PDE3A: variants seen among roughly 807,000 people sequenced by gnomAD.
PDE3A encodes the protein phosphodiesterase 3A.
PDE3A carries 43 observed loss-of-function variants against 98.3 expected under a neutral mutation model. The observed-to-expected ratio is 0.44, with a 90% confidence interval of 0.34 to 0.56. PDE3A has a LOEUF of 0.56. Among genes scored for constraint, PDE3A ranks in the 20% least tolerant of loss-of-function variants. PDE3A has a pLI of 0.01. For missense variants in PDE3A, 1,427 were observed against 1,440.7 expected (o/e 0.99, Z 0.15); for synonymous variants, 663 against 567.9 (o/e 1.17, Z -2.38).
intron 2 of PDE3A, among the ~76,000 whole-genome samples, chr12:20,561,501 G>A (rs1009509518): frequency 3.3e-5 from 5 of 152,164 alleles, no homozygotes; most frequent in African/African-American, 1.2e-4. Flanking sequence ...GAGTGTGCTA[G>A]CCTGCAAGAT....
chr12:20,459,124 C>G (rs747886007), intron 1 of PDE3A, among the ~76,000 whole-genome samples: 1 of 152,072 alleles, frequency 6.6e-6, no homozygotes, highest in Non-Finnish European at 1.5e-5. Context: ...AAAATTTGTA[C>G]AATGTACATC....
chr12:20,591,820 A>G (rs1194138211), intron 2 of PDE3A, among the ~76,000 whole-genome samples: 1 of 152,234 alleles, frequency 6.6e-6, no homozygotes, highest in Non-Finnish European at 1.5e-5. Context: ...GAACTGTCAT[A>G]GCCAAACAGA....
At chr12:20,483,774 A>C (rs1283759119) in intron 1 of PDE3A, among the ~76,000 whole-genome samples, 2 of 152,190 alleles carry the variant, frequency 1.3e-5, no homozygotes, top group Admixed American at 1.3e-4. Flanking sequence ...ATAAATATTA[A>C]TGATGGATTA....
intron 1 of PDE3A, among the ~76,000 whole-genome samples, chr12:20,555,383 T>A (rs189824956): frequency 1.3e-5 from 2 of 152,328 alleles, no homozygotes; most frequent in East Asian, 3.9e-4. Flanking sequence ...ATATTTACAA[T>A]GTAAAGTAAT....
At chr12:20,382,105 A>C (rs921523943) in intron 1 of PDE3A, among the ~76,000 whole-genome samples, 1 of 151,868 alleles carries the variant, frequency 6.6e-6, no homozygotes, top group African/African-American at 2.4e-5. Context: ...GTGAATAAAA[A>C]TTATTTGGGA....
chr12:20,678,594 GT>G (rs1945695928), intron 15 of PDE3A, among the ~76,000 whole-genome samples: 1 of 152,144 alleles, frequency 6.6e-6, no homozygotes, highest in South Asian at 2.1e-4. Flanking sequence ...TTGTTCCTGC[GT>G]TTGTCTCTGC....
At chr12:20,483,518 A>T (rs1171464565) in intron 1 of PDE3A, among the ~76,000 whole-genome samples, 1 of 152,230 alleles carries the variant, frequency 6.6e-6, no homozygotes, top group African/African-American at 2.4e-5. Flanking sequence ...AGAATAACCC[A>T]GTATCAAGTA....
At chr12:20,581,762 G>A (rs1196056352) in intron 2 of PDE3A, among the ~76,000 whole-genome samples, 15 of 151,460 alleles carry the variant, frequency 9.9e-5, no homozygotes, top group African/African-American at 2.9e-4. Context: ...ACAGGCGCCC[G>A]CCACTACGCC....
intron 1 of PDE3A, among the ~76,000 whole-genome samples, chr12:20,444,292 A>G (rs1173559431): frequency 6.6e-6 from 1 of 152,074 alleles, no homozygotes; most frequent in Non-Finnish European, 1.5e-5. Context: ...TCAGTTTTCC[A>G]TGTGCCTTAG....
At chr12:20,386,132 A>AAT (rs1304722325) in intron 1 of PDE3A, among the ~76,000 whole-genome samples, 2 of 78,332 alleles carry the variant, frequency 2.6e-5, no homozygotes, top group African/African-American at 1.2e-4. Flanking sequence ...AATATATATA[A>AAT]ATATATATAA....
intron 14 of PDE3A, among the ~76,000 whole-genome samples, chr12:20,651,775 TA>T (rs1282607782): frequency 1.4e-5 from 2 of 147,334 alleles, no homozygotes; most frequent in African/African-American, 2.5e-5. Context: ...AGATTTTTTT[TA>T]TTTTATTATA....
chr12:20,677,139 T>C (rs1945661269), intron 15 of PDE3A, among the ~76,000 whole-genome samples: 1 of 152,194 alleles, frequency 6.6e-6, no homozygotes, highest in South Asian at 2.1e-4. Context: ...AACTTTTGAA[T>C]GTATTTTGTA....
At position 20,523,555 on chromosome 12, in the gene PDE3A, A is replaced by T. The variant is rs146889799; in HGVS notation, c.961-33105A>T. Among the ~76,000 whole-genome samples the T allele has an allele frequency of 1.2e-3, 176 of 152,270 alleles. 1 individual carries two copies. Among genetic ancestry groups the T allele is most frequent in the Admixed American group, 1.5e-3 (23 of 15,294 alleles). ...TTAATAGTACTTAGATCATTTTGAC[A>T]GTTGTCTTATTTATTACCACTTACA... On this transcript the variant is annotated intron_variant, in intron 1 of 15. Transcript: ENST00000359062.
intron 2 of PDE3A, among the ~76,000 whole-genome samples, chr12:20,611,578 T>C (rs1010213587): frequency 2.0e-5 from 3 of 151,916 alleles, no homozygotes; most frequent in African/African-American, 7.2e-5. Context: ...ACTAATACTT[T>C]GTAGACTTGT....
intron 14 of PDE3A, among the ~76,000 whole-genome samples, chr12:20,652,235 G>A (rs1316535616): frequency 6.6e-6 from 1 of 152,176 alleles, no homozygotes; most frequent in Non-Finnish European, 1.5e-5. Context: ...ACATACATGT[G>A]CATGTGTCTT....
intron 2 of PDE3A, among the ~76,000 whole-genome samples, chr12:20,562,925 G>GA (rs1327816553): frequency 1.3e-5 from 2 of 151,984 alleles, no homozygotes; most frequent in East Asian, 1.9e-4. Flanking sequence ...TATTCCGATG[G>GA]AAAAAAAGTG....
rs193126221 is a variant in PDE3A, at chr12:20,427,783, C to G, written c.960+57539C>G. Among the ~76,000 whole-genome samples, 10 of 152,014 alleles carry G rather than the reference C, an allele frequency of 6.6e-5. No homozygotes were observed. The East Asian group carries it at 9.6e-4, about 15-fold the overall frequency. On this transcript the variant is annotated intron_variant, in intron 1 of 15. Coordinates refer to ENST00000359062, the MANE Select transcript of PDE3A (RefSeq NM_000921.5). ...GATCTAAATCCAGAATTAAAAGGCA[C>G]AGTCACATTTTTTTTTCTTTTGCAG...
chr12:20,548,842 T>C (rs986497550), intron 1 of PDE3A, among the ~76,000 whole-genome samples: 1 of 152,208 alleles, frequency 6.6e-6, no homozygotes, highest in African/African-American at 2.4e-5. Flanking sequence ...ATCTTATCTG[T>C]TTAATTGAAA....
At chr12:20,627,113 A>G (rs966542181) in intron 5 of PDE3A, among the ~76,000 whole-genome samples, 2 of 147,516 alleles carry the variant, frequency 1.4e-5, no homozygotes, top group African/African-American at 2.5e-5. Flanking sequence ...GAAATGGACA[A>G]TGTTCTCATG....
Sources: gnomAD v4.1 joint callset for allele counts (sites outside exome capture counted in the v4.1 genomes callset) on GRCh38, gnomAD v4.1.1 for gene constraint, MANE v1.5 for transcripts, NCBI Gene and HGNC (gene_info 2026-07-23, HGNC 2026-07-21) for gene names.